The following TRPM5 variants were observed in gnomAD, a reference collection of about 807,000 sequenced individuals.
TRPM5 encodes transient receptor potential cation channel subfamily M member 5.
A neutral mutation model predicts 124.9 loss-of-function variants in TRPM5; 121 were observed. The observed-to-expected ratio is 0.97, with a 90% CI of 0.84 to 1.13. TRPM5 has a LOEUF of 1.13. TRPM5 is among the 50% of genes most tolerant of loss of function. TRPM5 has a pLI of 0.00. For synonymous variants in TRPM5, 781 were observed against 700.5 expected (o/e 1.11, Z -1.81); for missense variants, 1,643 against 1,589.1 (o/e 1.03, Z -0.58).
At chr11:2,405,664 A>G in intron 22 of TRPM5, 71 bp from the exon 28 acceptor site, 2 of 1,487,352 alleles carry the variant, frequency 1.3e-6, no homozygotes, top group Non-Finnish European at 9.2e-7. Flanking sequence ...CAGCCTCCCC[A>G]TCTCCCCTCT....
chr11:2,405,134 G>A (rs964885536), intron 23 of TRPM5, 91 bp from the exon 29 acceptor site: 15 of 1,099,370 alleles, frequency 1.4e-5, no homozygotes, highest in Non-Finnish European at 2.0e-5. Context: ...CAAGGGCCAG[G>A]ACGCCGTGGC....
upstream of TRPM5, among the ~76,000 whole-genome samples, chr11:2,426,314 C>T (rs990721639): frequency 3.3e-5 from 5 of 152,220 alleles, no homozygotes; most frequent in African/African-American, 1.2e-4. Context: ...CCCCGCCGGC[C>T]AGCCCAGGGA....
chr11:2,426,460 G>A (rs1487991159), upstream of TRPM5, among the ~76,000 whole-genome samples: 1 of 152,116 alleles, frequency 6.6e-6, no homozygotes, highest in Non-Finnish European at 1.5e-5. Flanking sequence ...GTGGGGCAGG[G>A]AGCCCGGGAC....
At chr11:2,436,405 C>A in the TRPM5 span, among the ~76,000 whole-genome samples, 1 of 152,258 alleles carries the variant, frequency 6.6e-6, no homozygotes, top group African/African-American at 2.4e-5. Context: ...TAGGGACAGG[C>A]TGCCCACCCC....
At chr11:2,426,746 G>A (rs1053516644), upstream of TRPM5, among the ~76,000 whole-genome samples, 3 of 152,206 alleles carry the variant, frequency 2.0e-5, no homozygotes, top group Non-Finnish European at 2.9e-5. Context: ...TGCCTCATTT[G>A]TGAGATTTGG....
upstream of TRPM5, chr11:2,423,112 G>C (rs1024434316): frequency 1.6e-6 from 2 of 1,264,338 alleles, no homozygotes; most frequent in African/African-American, 3.0e-5. Flanking sequence ...CTCCCCTCAG[G>C]GGGCTGGCTC....
rs1286498506 is a variant in TRPM5 at position 2,411,352 on chromosome 11, CATCA to C, written c.2778_2781del (p.Ile926MetfsTer5). 1.9e-6 allele frequency: 3 copies of C among 1,592,788 alleles called. No homozygotes were observed. The highest frequency in any genetic ancestry group is 2.6e-6 in the Non-Finnish European group (3 of 1,167,286). ...CTGCCCCCGCTGGCTGTGTGCAAAC[CATCA>C]ATCTCGTCCAGTGGGATCTGGCCGA... On this transcript the variant is annotated frameshift_variant and splice_region_variant, in exon 18 of 24. Transcript: ENST00000155858. LOFTEE classifies it high-confidence loss of function.
At chr11:2,405,023 C>T (rs1850284692) in exon 24 of TRPM5, 1 of 1,612,604 alleles carries the variant, frequency 6.2e-7, no homozygotes, top group African/African-American at 1.3e-5. Context: ...AGCTGGCTTC[C>T]CTCGCCACAG....
chr11:2,436,969 G>A, the TRPM5 span, among the ~76,000 whole-genome samples: 1 of 152,146 alleles, frequency 6.6e-6, no homozygotes, highest in South Asian at 2.1e-4. Flanking sequence ...GAGTGTGGGT[G>A]TGTGACCTTC....
chr11:2,424,147 C>T (rs577104849), upstream of TRPM5, among the ~76,000 whole-genome samples: 1 of 152,374 alleles, frequency 6.6e-6, no homozygotes, highest in South Asian at 2.1e-4. Context: ...CTCCTGTGCC[C>T]ACCTTGTACC....
chr11:2,420,930 G>C (rs1394347254), intron 3 of TRPM5, 102 bp downstream of exon 8: 3 of 1,305,668 alleles, frequency 2.3e-6, no homozygotes, highest in Non-Finnish European at 3.0e-6. Context: ...TCTTCCTCCA[G>C]CTCGAGTCCT....
chr11:2,416,760 CTG>C (rs895166076), intron 7 of TRPM5, among the ~76,000 whole-genome samples: 2 of 152,240 alleles, frequency 1.3e-5, no homozygotes, highest in African/African-American at 4.8e-5. Context: ...CCTGCTGGGG[CTG>C]TGTCTGCCTG....
At chr11:2,421,317 C>CTGGGGAATGCCTCACGGTGGGG in intron 2 of TRPM5, 119 bp from the exon 8 acceptor site, 2 of 1,272,198 alleles carry the variant, frequency 1.6e-6, no homozygotes, top group Non-Finnish European at 2.1e-6. Context: ...GGGGTGGGTG[C>CTGGGGAATGCCTCACGGTGGGG]TGGGGAATGC....
chr11:2,422,103 T>A lies in TRPM5; in HGVS notation c.298+38A>T, dbSNP rs549383478. 4 of 1,534,812 alleles carry A rather than the reference T, an allele frequency of 2.6e-6. No homozygotes were observed. In the African/African-American group the frequency reaches 5.6e-5, roughly 21 times the overall value. On this transcript the variant is annotated intron_variant, in intron 2 of 23. Transcript: ENST00000155858. Reference sequence around the variant, plus strand: ...ACAGTCAGGGGGTCGGGCTGCCCTGTGGGGTGGGAGCGCTGCCTGTGCCGG... The same window carrying A: ...ACAGTCAGGGGGTCGGGCTGCCCTGAGGGGTGGGAGCGCTGCCTGTGCCGG...
chr11:2,431,028 C>T, the TRPM5 span, among the ~76,000 whole-genome samples: 1 of 152,074 alleles, frequency 6.6e-6, no homozygotes, highest in African/African-American at 2.4e-5. Context: ...TGTTATAACG[C>T]TAGCAGCTTT....
upstream of TRPM5, among the ~76,000 whole-genome samples, chr11:2,426,961 C>T (rs1269679708): frequency 2.0e-5 from 3 of 152,234 alleles, no homozygotes; most frequent in Admixed American, 6.5e-5. Flanking sequence ...CCACTCCCTT[C>T]GCCCTCAGCT....
upstream of TRPM5, among the ~76,000 whole-genome samples, chr11:2,425,058 C>T (rs1378126994): frequency 6.6e-6 from 1 of 152,238 alleles, no homozygotes; most frequent in Non-Finnish European, 1.5e-5. Context: ...TGAATACGGC[C>T]TCCCGCGCTG....
chr11:2,405,149 AGAGT>A, intron 23 of TRPM5, 106 bp from the exon 29 acceptor site: 1 of 906,570 alleles, frequency 1.1e-6, no homozygotes, highest in African/African-American at 1.6e-5. Context: ...CGTGGCTCTC[AGAGT>A]GAGTCCCCAC....
chr11:2,422,040 C>G (rs1478382430), intron 2 of TRPM5, 101 bp downstream of exon 7: 48 of 1,310,020 alleles, frequency 3.7e-5, no homozygotes, highest in Non-Finnish European at 4.2e-5. Flanking sequence ...TCTGGCTGCC[C>G]TGTGGGGTGG....
Sources: allele counts gnomAD v4.1 joint callset (sites outside exome capture counted in the v4.1 genomes callset), GRCh38; gene constraint gnomAD v4.1.1; transcripts MANE v1.5; gene names NCBI Gene and HGNC (gene_info 2026-07-23, HGNC 2026-07-21).